Variants in DCDC1 observed in about 807,000 individuals in gnomAD.
DCDC1 encodes the protein doublecortin domain-containing protein 1.
A neutral mutation model predicts 178.3 loss-of-function variants in DCDC1; 200 were observed. The observed-to-expected ratio is 1.12, with a 90% CI of 1.00 to 1.26. The LOEUF (loss-of-function observed/expected upper bound fraction) is 1.26, where lower values mean the gene tolerates loss of function less well. DCDC1 is among the 50% of genes most tolerant of loss of function. The pLI is 0.00. For synonymous variants in DCDC1, 690 were observed against 604.8 expected (o/e 1.14, Z -2.07); for missense variants, 1,983 against 1,749.2 (o/e 1.13, Z -2.38).
intron 7 of DCDC1, among the ~76,000 whole-genome samples, chr11:31,283,988 C>CTG (rs1357724726): frequency 3.3e-5 from 5 of 151,888 alleles, no homozygotes. Context: ...CTCTCTCTCT[C>CTG]TCTCTACTAC....
intron 9 of DCDC1, among the ~76,000 whole-genome samples, chr11:31,177,315 G>C (rs1968178476): frequency 6.6e-6 from 1 of 150,778 alleles, no homozygotes; most frequent in African/African-American, 2.4e-5. Context: ...AGAAAGTAGG[G>C]GGAAAAAAAA....
intron 20 of DCDC1, among the ~76,000 whole-genome samples, chr11:30,984,060 A>G (rs996064648): frequency 6.6e-6 from 1 of 152,222 alleles, no homozygotes; most frequent in Non-Finnish European, 1.5e-5. Context: ...GAACAAGATT[A>G]GAATCTTAAA....
chr11:31,153,237 A>T (rs1387636167), intron 9 of DCDC1, among the ~76,000 whole-genome samples: 2 of 151,954 alleles, frequency 1.3e-5, no homozygotes, highest in Non-Finnish European at 2.9e-5. Context: ...CTCCCTCCTC[A>T]TCTGCCTCTT....
At chr11:31,190,986 T>A (rs1970068504) in intron 9 of DCDC1, among the ~76,000 whole-genome samples, 1 of 152,130 alleles carries the variant, frequency 6.6e-6, no homozygotes, top group Admixed American at 6.6e-5. Flanking sequence ...GTTCTTTATA[T>A]CAATGGTGCA....
At chr11:31,248,144 A>G (rs973548913) in intron 8 of DCDC1, among the ~76,000 whole-genome samples, 10 of 152,110 alleles carry the variant, frequency 6.6e-5, no homozygotes, top group East Asian at 5.8e-4. Flanking sequence ...AATCTAACCT[A>G]AAATAGAAGT....
At chr11:30,954,307 G>A (rs555273120) in intron 20 of DCDC1, among the ~76,000 whole-genome samples, 3 of 152,032 alleles carry the variant, frequency 2.0e-5, no homozygotes, top group Non-Finnish European at 2.9e-5. Flanking sequence ...GAGCCACCAC[G>A]CCCAGCCTAA....
In DCDC1 at chr11:31,335,536, A is replaced by C. The variant is rs1950226837; in HGVS notation, c.-96T>G. 1 of 152,274 alleles carries C rather than the reference A, an allele frequency of 6.6e-6. No individual in the cohort carries two copies. Among genetic ancestry groups the C allele is most frequent in the Non-Finnish European group, 1.5e-5 (1 of 68,070 alleles). 9.4% of individuals were successfully genotyped at this position (152,274 alleles called of 1,614,324 possible). On this transcript the variant is annotated 5_prime_UTR_variant, in exon 2 of 39. Transcript: ENST00000684477. ...GCTGTTCCTATTTGGCCATCTTGGAATGGAATCTGGAATTTTCTTATTTGC... is the reference window on the plus strand; with the variant it reads ...GCTGTTCCTATTTGGCCATCTTGGACTGGAATCTGGAATTTTCTTATTTGC...
At chr11:31,149,964 T>C (rs935109354) in intron 9 of DCDC1, among the ~76,000 whole-genome samples, 2 of 152,222 alleles carry the variant, frequency 1.3e-5, no homozygotes, top group African/African-American at 4.8e-5. Context: ...GATTGCGGGA[T>C]CAAATGGTTG....
intron 20 of DCDC1, among the ~76,000 whole-genome samples, chr11:31,060,609 T>A (rs903536858): frequency 6.6e-6 from 1 of 152,120 alleles, no homozygotes; most frequent in Non-Finnish European, 1.5e-5. Flanking sequence ...TCAATTTTAG[T>A]CCAAATATTC....
chr11:31,260,360 G>C (rs1393101753), intron 8 of DCDC1, among the ~76,000 whole-genome samples: 1 of 152,148 alleles, frequency 6.6e-6, no homozygotes. Context: ...TAATGGGCAA[G>C]AGCTAACATT....
chr11:31,283,212 C>T (rs1032575158), intron 7 of DCDC1, among the ~76,000 whole-genome samples: 3 of 152,296 alleles, frequency 2.0e-5, no homozygotes, highest in Non-Finnish European at 1.5e-5. Context: ...CTATTAGACT[C>T]ACTGATATCA....
chr11:31,138,266 G>T (rs1963403330), intron 9 of DCDC1, among the ~76,000 whole-genome samples: 1 of 152,130 alleles, frequency 6.6e-6, no homozygotes, highest in South Asian at 2.1e-4. Context: ...AAAGGATCAT[G>T]TATCTAAATA....
rs200747066 is a variant in DCDC1, at chr11:30,949,279, G to T, written c.2715+3166C>A. 1.1e-4 allele frequency among the ~76,000 whole-genome samples: 17 copies of T among 152,334 alleles called. No homozygotes were observed. The East Asian group carries it at 3.3e-3, about 29-fold the overall frequency. On this transcript the variant is annotated intron_variant, in intron 21 of 38. Transcript: ENST00000684477. Reference sequence around the variant, plus strand: ...AAGCTCATCATCACTGGTCATTAGAGAAATGCAAATCAAAATCACAATGAG... The same window carrying T: ...AAGCTCATCATCACTGGTCATTAGATAAATGCAAATCAAAATCACAATGAG...
At chr11:31,223,093 A>C (rs889613951) in intron 9 of DCDC1, among the ~76,000 whole-genome samples, 3 of 152,210 alleles carry the variant, frequency 2.0e-5, no homozygotes, top group Non-Finnish European at 1.5e-5. Flanking sequence ...TGAAAGACTT[A>C]CCAAGAGTTT....
intron 9 of DCDC1, among the ~76,000 whole-genome samples, chr11:31,164,406 A>G (rs1227219201): frequency 3.9e-5 from 6 of 152,210 alleles, no homozygotes; most frequent in Non-Finnish European, 8.8e-5. Context: ...AAGCATCATT[A>G]TAATAGGAGA....
intron 20 of DCDC1, among the ~76,000 whole-genome samples, chr11:30,978,044 C>A (rs1249404134): frequency 6.6e-6 from 1 of 152,186 alleles, no homozygotes; most frequent in Non-Finnish European, 1.5e-5. Context: ...AATTAGAATT[C>A]TTTTTCTGTA....
chr11:31,057,560 G>A (rs370145888), intron 20 of DCDC1, among the ~76,000 whole-genome samples: 5 of 152,046 alleles, frequency 3.3e-5, no homozygotes, highest in Non-Finnish European at 7.4e-5. Context: ...AAGTAAATTT[G>A]TATCCTTAAA....
chr11:30,953,049 T>C (rs1590517308), intron 20 of DCDC1, among the ~76,000 whole-genome samples: 1 of 152,012 alleles, frequency 6.6e-6, no homozygotes, highest in East Asian at 1.9e-4. Context: ...AGTATTTATA[T>C]ACACTGTAAC....
chr11:31,184,781 G>A (rs1165665645), intron 9 of DCDC1, among the ~76,000 whole-genome samples: 3 of 152,212 alleles, frequency 2.0e-5, no homozygotes, highest in Non-Finnish European at 4.4e-5. Context: ...ATGCTAGAGA[G>A]GATGTGGAGA....
Sources: gnomAD v4.1 joint callset for allele counts (sites outside exome capture counted in the v4.1 genomes callset) on GRCh38, gnomAD v4.1.1 for gene constraint, MANE v1.5 for transcripts, NCBI Gene and HGNC (gene_info 2026-07-23, HGNC 2026-07-21) for gene names.